Variants in YLPM1 observed in about 807,000 individuals in gnomAD.
YLPM1 encodes the protein YLP motif-containing protein 1.
In YLPM1, 99 loss-of-function variants were observed where a neutral mutation model predicts 230.0. The observed-to-expected ratio is 0.43, with a 90% confidence interval of 0.37 to 0.51. The LOEUF (loss-of-function observed/expected upper bound fraction) is 0.51. YLPM1 is among the 20% of genes least tolerant of loss of function. The pLI is 0.00. For missense variants in YLPM1, 2,592 were observed against 2,707.7 expected (o/e 0.96, Z 0.95); for synonymous variants, 984 against 942.5 (o/e 1.04, Z -0.81).
rs1378431201 is a variant in YLPM1 at position 74,780,458 on chromosome 14, A to C, written c.1164A>C (p.Ala388=). The C allele has an allele frequency of 5.6e-6, 9 of 1,613,932 alleles. No homozygotes were observed. Among genetic ancestry groups the C allele is most frequent in the Middle Eastern group, 1.7e-4 (1 of 6,050 alleles). ...ARLKQLQAAA[A]HWQQHQQHRV... ...TAAAGCAGTTGCAGGCTGCAGCAGC[A>C]CACTGGCAGCAGCACCAGCAGCATC... The change falls in exon 3 of 21, where the codon GCA becomes GCC. Residue 388 remains alanine (A), a synonymous_variant. Transcript: ENST00000325680.
intron 11 of YLPM1, 95 bp downstream of exon 11, chr14:74,812,877 T>C (rs1354055058): frequency 2.8e-6 from 4 of 1,415,364 alleles, no homozygotes; most frequent in African/African-American, 2.9e-5. Flanking sequence ...TTCTGCAACA[T>C]AGTAATAATA....
chr14:74,780,485 A>G lies in YLPM1; in HGVS notation c.1191A>G (p.Arg397=), dbSNP rs1368008201. ...ACTGGCAGCAGCACCAGCAGCATCG[A>G]GTCGGTTTCCAGTATCAGGGAATAA... ...AAHWQQHQQH[R]VGFQYQGIMQ... Residue 397 remains arginine (R), a synonymous_variant, in exon 3 of 21, where the codon CGA becomes CGG. Transcript: ENST00000325680. 1 of 1,613,984 alleles carries G rather than the reference A, an allele frequency of 6.2e-7. No homozygotes were observed. The highest frequency in any genetic ancestry group is 1.1e-5 in the South Asian group (1 of 91,078).
rs1347420425 is a variant in YLPM1 at position 74,797,817 on chromosome 14, C to A, written c.2520C>A (p.Pro840=). Reference sequence around the variant, plus strand: ...AGAGTGGACCACAGTGGAAAGGCCCCAAACCAGCTTTTGGACAGCAGCATC... The same window carrying A: ...AGAGTGGACCACAGTGGAAAGGCCCAAAACCAGCTTTTGGACAGCAGCATC... The part of the protein sequence containing the change: ...PRQSGPQWKG[P]KPAFGQQHQQ... Residue 840 remains proline (P), a synonymous_variant, in exon 5 of 21, where the codon CCC becomes CCA. Coordinates refer to ENST00000325680, the MANE Select transcript of YLPM1 (RefSeq NM_019589.3). 2.5e-6 allele frequency: 4 copies of A among 1,613,832 alleles called. No individual in the cohort carries two copies. The highest frequency in any genetic ancestry group is 1.1e-5 in the South Asian group (1 of 91,080).
chr14:74,816,874 A>G (rs938543883), intron 13 of YLPM1, 57 bp from the exon 14 acceptor site: 2 of 1,497,096 alleles, frequency 1.3e-6, no homozygotes, highest in Non-Finnish European at 1.8e-6. Context: ...ACCAAGGAAA[A>G]GGTTTTGGAT....
chr14:74,774,143 T>C (rs1383912516), intron 1 of YLPM1, among the ~76,000 whole-genome samples: 1 of 152,230 alleles, frequency 6.6e-6, no homozygotes, highest in East Asian at 1.9e-4. Context: ...TTAATACACC[T>C]AGCCTACTGA....
In YLPM1 at chr14:74,811,559, A is replaced by G. The variant is rs187917038; in HGVS notation, c.5229-61A>G. 9 of 1,283,016 alleles carry G rather than the reference A, an allele frequency of 7.0e-6. No homozygotes were observed. The African/African-American group carries it at 1.2e-4, about 17-fold the overall frequency. The allele number at this position is 1,283,016 out of a possible 1,614,324, so 79.5% of individuals were successfully genotyped here. A position where few individuals can be genotyped will look rare whatever the true frequency, so the allele number is the denominator to read the frequency against. On this transcript the variant is annotated intron_variant, in intron 9 of 20. Coordinates refer to ENST00000325680, the MANE Select transcript of YLPM1 (RefSeq NM_019589.3). ...ATTGGGCAGTTAATGCTGTTGCGTT[A>G]TAAAGCAGAGAACCCCAAATATTTT...
chr14:74,796,470 A>G (rs992487890), intron 4 of YLPM1, among the ~76,000 whole-genome samples: 2 of 152,204 alleles, frequency 1.3e-5, no homozygotes, highest in Middle Eastern at 3.2e-3. Context: ...AACTCAACAT[A>G]AGCCTCTCCA....
chr14:74,804,181 T>G (rs1256580160), intron 6 of YLPM1, among the ~76,000 whole-genome samples: 1 of 151,978 alleles, frequency 6.6e-6, no homozygotes, highest in Non-Finnish European at 1.5e-5. Context: ...CAAAACAAAA[T>G]TCTCATCACC....
In YLPM1 at chr14:74,763,379, G is replaced by T; in HGVS notation, c.-111G>T. ...CTGGCGCGCTCCGTTTACACGCTCC[G>T]GGGCCTGTAGGCGCCGCGAGTTCCG... On this transcript the variant is annotated 5_prime_UTR_variant, in exon 1 of 21. Transcript: ENST00000325680. The T allele has an allele frequency of 7.6e-7, 1 of 1,318,188 alleles. No individual in the cohort carries two copies. 81.7% of individuals were successfully genotyped at this position (1,318,188 alleles called of 1,614,324 possible).
chr14:74,827,438 A>C, intron 18 of YLPM1: 2 of 985,434 alleles, frequency 2.0e-6, no homozygotes, highest in Non-Finnish European at 2.4e-6. Context: ...ATATTTGCAC[A>C]ATAAAATTTC....
Position 74,797,629 on chromosome 14 carries a change from C to A in YLPM1, c.2332C>A (p.Pro778Thr). 6.4e-7 allele frequency: 1 copy of A among 1,550,530 alleles called. No individual in the cohort carries two copies. Among genetic ancestry groups the A allele is most frequent in the Non-Finnish European group, 8.7e-7 (1 of 1,150,094 alleles). Residue 778 changes from proline (P) to threonine (T), a missense_variant, in exon 5 of 21, where the codon CCG becomes ACG. Physicochemically the swap from Pro to Thr is conservative, Grantham distance 38 (BLOSUM62 -1). Transcript: ENST00000325680. The part of the protein sequence containing the change: ...FEDLGSRCEG[P>T]RPKGPRFEGN... ...GGATTTAGGGTCAAGGTGTGAAGGA[C>A]CGAGACCCAAAGGGCCTCGTTTTGA...
In YLPM1 at chr14:74,764,065, G is replaced by T. The variant is rs1160356713; in HGVS notation, c.576G>T (p.Ser192=). ...TGCCTCCTGCTCAGCCGTCCCCTTC[G>T]CAGTCCCCACCTTCCCAATCCTACC... ...PYLPPAQPSP[S]QSPPSQSYLA... The change falls in exon 1 of 21, where the codon TCG becomes TCT. Residue 192 remains serine, a synonymous_variant. Coordinates refer to ENST00000325680, the MANE Select transcript of YLPM1 (RefSeq NM_019589.3). 5 of 1,604,782 alleles carry T rather than the reference G, an allele frequency of 3.1e-6. No individual in the cohort carries two copies. Among genetic ancestry groups the T allele is most frequent in the Admixed American group, 3.4e-5 (2 of 58,992 alleles).
At chr14:74,807,850 G>A (rs1317828644) in intron 6 of YLPM1, among the ~76,000 whole-genome samples, 2 of 152,210 alleles carry the variant, frequency 1.3e-5, no homozygotes, top group Admixed American at 1.3e-4. Context: ...TACTGTTTTT[G>A]TGGAGGAGAT....
In YLPM1 at chr14:74,782,328, A is replaced by G. The variant is rs1297091137; in HGVS notation, c.2282+3A>G. On this transcript the variant is annotated splice_donor_region_variant and intron_variant, in intron 4 of 20. Coordinates refer to ENST00000325680, the MANE Select transcript of YLPM1 (RefSeq NM_019589.3). ...TTGGAAAGTCCAAGAGGCCCAAGGT[A>G]GGTCTGCTTTTTTTTCTCTTTTTTT... 5 of 1,493,498 alleles carry G rather than the reference A, an allele frequency of 3.3e-6. No homozygotes were observed. In the South Asian group the frequency reaches 7.0e-5, roughly 21 times the overall value. The allele number at this position is 1,493,498 out of a possible 1,614,324, so 92.5% of individuals were successfully genotyped here.
At position 74,763,392 on chromosome 14, in the gene YLPM1, G is replaced by A; in HGVS notation, c.-98G>A. 1 of 1,358,156 alleles carries A rather than the reference G, an allele frequency of 7.4e-7. No homozygotes were observed. The highest frequency in any genetic ancestry group is 9.6e-7 in the Non-Finnish European group (1 of 1,044,184). 84.1% of individuals were successfully genotyped at this position (1,358,156 alleles called of 1,614,324 possible). A position where few individuals can be genotyped will look rare whatever the true frequency, so the allele number is the denominator to read the frequency against. ...TTTACACGCTCCGGGGCCTGTAGGCGCCGCGAGTTCCGGCTGTCGCCGTCG... is the reference window on the plus strand; with the variant it reads ...TTTACACGCTCCGGGGCCTGTAGGCACCGCGAGTTCCGGCTGTCGCCGTCG... On this transcript the variant is annotated 5_prime_UTR_variant, in exon 1 of 21. Coordinates refer to ENST00000325680, the MANE Select transcript of YLPM1 (RefSeq NM_019589.3).
At chr14:74,801,001 A>C (rs1438043430) in intron 5 of YLPM1, among the ~76,000 whole-genome samples, 2 of 152,192 alleles carry the variant, frequency 1.3e-5, no homozygotes, top group African/African-American at 2.4e-5. Flanking sequence ...CTTTGAACTC[A>C]ATCTGTCTAA....
chr14:74,801,974 T>C (rs1240795917), intron 5 of YLPM1, among the ~76,000 whole-genome samples: 1 of 151,796 alleles, frequency 6.6e-6, no homozygotes, highest in African/African-American at 2.4e-5. Context: ...CCTAGCACTT[T>C]GGGAAGCTGA....
chr14:74,805,869 ATT>A (rs60143650), intron 6 of YLPM1, among the ~76,000 whole-genome samples: 1 of 148,782 alleles, frequency 6.7e-6, no homozygotes, highest in African/African-American at 2.5e-5. Context: ...TTCCTGGCTC[ATT>A]TTTTTTGTAT....
chr14:74,777,283 T>C (rs1177541017), intron 1 of YLPM1, among the ~76,000 whole-genome samples: 1 of 151,580 alleles, frequency 6.6e-6, no homozygotes. Context: ...CACAGTATAT[T>C]GGCCAGGTGC....
Sources: gnomAD v4.1 joint callset for allele counts (sites outside exome capture counted in the v4.1 genomes callset) on GRCh38, gnomAD v4.1.1 for gene constraint, MANE v1.5 for transcripts, NCBI Gene and HGNC (gene_info 2026-07-23, HGNC 2026-07-21) for gene names.